ACSL1: variants seen among roughly 807,000 people sequenced by gnomAD.
The protein encoded by ACSL1 is acyl-CoA synthetase long chain family member 1.
ACSL1 carries 41 observed loss-of-function variants against 98.4 expected under a neutral mutation model. That is an observed-to-expected ratio of 0.42 (90% confidence interval 0.32 to 0.54). The LOEUF (loss-of-function observed/expected upper bound fraction) is 0.54, where lower values mean the gene tolerates loss of function less well. Ranked by LOEUF, ACSL1 falls within the 20% of genes least tolerant of loss-of-function variation. ACSL1 has a pLI of 0.13. For missense variants in ACSL1, 734 were observed against 883.1 expected (o/e 0.83, Z 2.14); for synonymous variants, 316 against 322.7 (o/e 0.98, Z 0.22).
intron 3 of ACSL1, 108 bp downstream of exon 3, chr4:184,788,509 C>T (rs760300854): frequency 2.2e-5 from 19 of 866,870 alleles, no homozygotes; most frequent in Non-Finnish European, 3.2e-5. Context: ...GGGGCCTGAG[C>T]GATCCTAAGG....
At chr4:184,811,236 G>C (rs1480223950) in intron 1 of ACSL1, among the ~76,000 whole-genome samples, 1 of 152,026 alleles carries the variant, frequency 6.6e-6, no homozygotes, top group Non-Finnish European at 1.5e-5. Flanking sequence ...AGCCTCCGGA[G>C]TAGCTGGAAC....
chr4:184,795,825 C>T (rs1395827060), intron 2 of ACSL1, among the ~76,000 whole-genome samples: 1 of 152,210 alleles, frequency 6.6e-6, no homozygotes, highest in Non-Finnish European at 1.5e-5. Context: ...TTAAGAAGCT[C>T]ATTAAGTTTT....
At chr4:184,758,522 C>G (rs56002880) in intron 18 of ACSL1, 10,350 of 152,190 alleles carry the variant, frequency 0.068, 501 homozygotes, top group Non-Finnish European at 0.094. Flanking sequence ...CCATTACACT[C>G]CAGCTGGACA....
chr4:184,762,823 C>T, intron 16 of ACSL1, among the ~76,000 whole-genome samples: 1 of 152,358 alleles, frequency 6.6e-6, no homozygotes, highest in South Asian at 2.1e-4. Flanking sequence ...AGTAATTAGG[C>T]TTCCCATCCA....
intron 18 of ACSL1, 133 bp from the exon 19 acceptor site, chr4:184,758,053 AC>A: frequency 2.5e-6 from 2 of 790,684 alleles, no homozygotes; most frequent in South Asian, 1.8e-5. Context: ...AGAACATACT[AC>A]CCCCCTCCCC....
At position 184,808,584 on chromosome 4, in the gene ACSL1, T is replaced by C; in HGVS notation, c.-32-5038A>G. The C allele has an allele frequency of 1.1e-5, 9 of 842,866 alleles. 1 individual carries two copies. In the South Asian group the frequency reaches 4.9e-4, roughly 46 times the overall value. The allele number at this position is 842,866 out of a possible 1,614,324, so 52.2% of individuals were successfully genotyped here. A position where few individuals can be genotyped will look rare whatever the true frequency, so the allele number is the denominator to read the frequency against. On this transcript the variant is annotated intron_variant, in intron 1 of 20. Transcript: ENST00000281455. ...TGTACAATAGGCTATTTACAGAGGC[T>C]GAAAGCGCCCCCTTTGTCATTCACT...
intron 2 of ACSL1, chr4:184,798,352 CAT>C: frequency 6.6e-6 from 1 of 152,192 alleles, no homozygotes; most frequent in Non-Finnish European, 1.5e-5. Context: ...ACAAATAACA[CAT>C]ATCACAGGTT....
At chr4:184,769,141 T>G (rs993596791) in intron 11 of ACSL1, among the ~76,000 whole-genome samples, 24 of 151,960 alleles carry the variant, frequency 1.6e-4, no homozygotes, top group African/African-American at 5.6e-4. Context: ...AATAAAAACT[T>G]AACTTCTTGC....
intron 5 of ACSL1, among the ~76,000 whole-genome samples, chr4:184,777,321 A>G (rs1310826015): frequency 6.6e-6 from 1 of 152,176 alleles, no homozygotes; most frequent in African/African-American, 2.4e-5. Context: ...TTATCTGGAC[A>G]TGGTGGCACA....
chr4:184,821,016 T>C (rs1423128718), intron 1 of ACSL1: 1 of 456,166 alleles, frequency 2.2e-6, no homozygotes, highest in East Asian at 6.9e-5. Context: ...ACTTAATCTT[T>C]GCACCTGTTC....
chr4:184,824,193 T>C (rs1304934175), intron 1 of ACSL1, among the ~76,000 whole-genome samples: 1 of 152,346 alleles, frequency 6.6e-6, no homozygotes, highest in South Asian at 2.1e-4. Context: ...TGGCGGGATC[T>C]CAGCTCATCA....
intron 5 of ACSL1, among the ~76,000 whole-genome samples, chr4:184,779,812 A>C (rs4862418): frequency 0.25 from 38,366 of 151,992 alleles, 5,795 homozygotes; most frequent in East Asian, 0.69. Context: ...TAATCCCCCC[A>C]AAAAAGTGAT....
chr4:184,779,383 G>GC (rs555552308), intron 5 of ACSL1, among the ~76,000 whole-genome samples: 173 of 152,130 alleles, frequency 1.1e-3, no homozygotes, highest in African/African-American at 4.1e-3. Context: ...TGATTCTGAG[G>GC]CCCCCCCAGC....
intron 1 of ACSL1, chr4:184,808,486 G>C: frequency 1.0e-6 from 1 of 985,416 alleles, no homozygotes; most frequent in Non-Finnish European, 1.2e-6. Flanking sequence ...AATTAAGAAA[G>C]CCTGACATCT....
chr4:184,779,895 G>A (rs1388034997), intron 5 of ACSL1, among the ~76,000 whole-genome samples: 2 of 146,858 alleles, frequency 1.4e-5, no homozygotes, highest in South Asian at 2.2e-4. Context: ...TTTTTGAGAC[G>A]GAGTTTCGCT....
At position 184,803,869 on chromosome 4, in the gene ACSL1, A is replaced by G. The variant is rs1047912737; in HGVS notation, c.-32-323T>C. On this transcript the variant is annotated intron_variant, in intron 1 of 20. Transcript: ENST00000281455. This position sits in a 1 kb window ranked among gnomAD's most constrained non-coding sequence, Gnocchi z 4.8. ...CTCAAATAAGTAGATTTAAGTTTCT[A>G]TTTTCTTCTTTGCTACTACGTCTCT... Among the ~76,000 whole-genome samples the G allele has an allele frequency of 6.6e-6, 1 of 152,138 alleles. No individual in the cohort carries two copies. The highest frequency in any genetic ancestry group is 2.4e-5 in the African/African-American group (1 of 41,424).
Position 184,825,373 on chromosome 4 carries a change from T to C in ACSL1, c.-33+543A>G. 2.1e-6 allele frequency: 1 copy of C among 471,072 alleles called. No individual in the cohort carries two copies. Among genetic ancestry groups the C allele is most frequent in the Non-Finnish European group, 2.8e-6 (1 of 360,136 alleles). 29.2% of individuals were successfully genotyped at this position (471,072 alleles called of 1,614,324 possible). ...GAGTCACCGAGAGAATGTCTGCCTCTGGCAGCGGCCTCTGAGCTGCCTGTG... is the reference window on the plus strand; with the variant it reads ...GAGTCACCGAGAGAATGTCTGCCTCCGGCAGCGGCCTCTGAGCTGCCTGTG... On this transcript the variant is annotated intron_variant, in intron 1 of 20. Transcript: ENST00000281455. This position sits in a 1 kb window ranked among gnomAD's most constrained non-coding sequence, Gnocchi z 4.7.
At chr4:184,777,043 A>C in intron 5 of ACSL1, 60 bp from the exon 6 acceptor site, 1 of 1,420,906 alleles carries the variant, frequency 7.0e-7, no homozygotes, top group Non-Finnish European at 9.9e-7. Context: ...ATCAATAAGG[A>C]GAACAATACT....
intron 1 of ACSL1, chr4:184,805,531 T>C: frequency 1.0e-6 from 1 of 985,580 alleles, no homozygotes; most frequent in Non-Finnish European, 1.2e-6. Context: ...ACTCACCATC[T>C]GTGCCACCAA....
Sources: gnomAD v4.1 joint callset for allele counts (sites outside exome capture counted in the v4.1 genomes callset) on GRCh38, gnomAD v4.1.1 for gene constraint, Gnocchi (gnomAD v3.1) non-coding constraint, MANE v1.5 for transcripts, NCBI Gene and HGNC (gene_info 2026-07-23, HGNC 2026-07-21) for gene names.